The following RAB30 variants were observed in gnomAD, a reference collection of about 807,000 sequenced individuals.
The protein encoded by RAB30 is ras-related protein Rab-30.
RAB30 carries 9 observed loss-of-function variants against 25.1 expected under a neutral mutation model. The ratio of observed to expected loss-of-function variants is 0.36; its 90% CI spans 0.22 to 0.63. The LOEUF is 0.63. RAB30 is among the 20% of genes least tolerant of loss of function. The pLI, the probability that RAB30 is intolerant of heterozygous loss-of-function variation, is 0.69. For missense variants in RAB30, 140 were observed against 243.5 expected (o/e 0.58, Z 2.83); for synonymous variants, 77 against 86.4 (o/e 0.89, Z 0.60).
chr11:82,985,768 G>A (rs533293668), intron 4 of RAB30, among the ~76,000 whole-genome samples: 190 of 149,058 alleles, frequency 1.3e-3, no homozygotes, highest in Non-Finnish European at 2.6e-3. Context: ...GCTGAATGCA[G>A]TGGTGTGATC....
chr11:83,022,489 A>T (rs761576582), intron 1 of RAB30, among the ~76,000 whole-genome samples: 3 of 152,160 alleles, frequency 2.0e-5, no homozygotes, highest in Non-Finnish European at 4.4e-5. Context: ...AAACTGCTAG[A>T]TCCCTTCCCT....
At chr11:83,030,391 G>C (rs983370002) in intron 1 of RAB30, among the ~76,000 whole-genome samples, 2 of 151,538 alleles carry the variant, frequency 1.3e-5, no homozygotes, top group Admixed American at 1.3e-4. Flanking sequence ...CCAGCTTCTT[G>C]GGAGCCTGAG....
chr11:83,048,649 A>G (rs7109978), intron 1 of RAB30, among the ~76,000 whole-genome samples: 10,462 of 152,210 alleles, frequency 0.069, 803 homozygotes, highest in African/African-American at 0.19. Flanking sequence ...ATGAACCTCA[A>G]AAAAAATCTC....
intron 2 of RAB30, among the ~76,000 whole-genome samples, chr11:82,995,874 A>G (rs1856947080): frequency 6.6e-6 from 1 of 152,192 alleles, no homozygotes; most frequent in Non-Finnish European, 1.5e-5. Flanking sequence ...TTTCATCTAT[A>G]AAGTGAGAGA....
chr11:83,069,526 A>T (rs1210895794), intron 1 of RAB30, among the ~76,000 whole-genome samples: 1 of 152,140 alleles, frequency 6.6e-6, no homozygotes, highest in Non-Finnish European at 1.5e-5. Flanking sequence ...AAAAAACCAA[A>T]TGGGCAGTTT....
chr11:83,014,639 AAAGAAAG>A (rs1319624888), intron 1 of RAB30, among the ~76,000 whole-genome samples: 1 of 44,628 alleles, frequency 2.2e-5, no homozygotes, highest in African/African-American at 9.6e-5. Flanking sequence ...TAAGAAAAAG[AAAGAAAG>A]AAAGAAAGAA....
intron 1 of RAB30, chr11:83,034,788 G>A (rs965614802): frequency 8.6e-5 from 13 of 152,012 alleles, no homozygotes; most frequent in African/African-American, 2.9e-4. Context: ...GTAAACTGCA[G>A]GTAACAGATA....
rs548323119 is a variant in RAB30 at position 83,025,542 on chromosome 11, C to T, written c.-8-28218G>A. ...GGAAAGGGGCACTGCAGCTCATCCC[C>T]ACTCCTGAAATTACAATGCTGAATT... is the stretch of plus-strand genomic sequence containing the variant. On this transcript the variant is annotated intron_variant, in intron 1 of 4. Coordinates refer to ENST00000527633, the MANE Select transcript of RAB30 (RefSeq NM_001286060.2). Among the ~76,000 whole-genome samples the T allele has an allele frequency of 3.3e-5, 5 of 152,356 alleles. No homozygotes were observed. In the East Asian group the frequency reaches 9.6e-4, roughly 29 times the overall value.
intron 1 of RAB30, among the ~76,000 whole-genome samples, chr11:83,008,969 T>G (rs1857245669): frequency 1.3e-5 from 2 of 152,156 alleles, no homozygotes; most frequent in South Asian, 4.1e-4. Context: ...TTCACCTCTC[T>G]TCAATTCCCA....
At chr11:83,009,586 C>T (rs1311309423) in intron 1 of RAB30, among the ~76,000 whole-genome samples, 1 of 151,640 alleles carries the variant, frequency 6.6e-6, no homozygotes, top group African/African-American at 2.4e-5. Flanking sequence ...ACAACATGCC[C>T]AGGGAGCCAA....
At position 82,978,508 on chromosome 11, in the gene RAB30, A is replaced by G; in HGVS notation, c.*3657T>C. 1 of 122,968 alleles carries G rather than the reference A, an allele frequency of 8.1e-6. No homozygotes were observed. The highest frequency in any genetic ancestry group is 2.0e-4 in the East Asian group (1 of 5,096). The allele number at this position is 122,968 out of a possible 1,614,324, so 7.6% of individuals were successfully genotyped here. On this transcript the variant is annotated 3_prime_UTR_variant, in exon 5 of 5. Transcript: ENST00000527633. ...TTGATATGCAAAAAAAAAAAAAAAG[A>G]TTTTTTTCTGATTGTGCTATTTCAT...
intron 1 of RAB30, among the ~76,000 whole-genome samples, chr11:83,022,221 CGATCACAT>C (rs1857596132): frequency 6.6e-6 from 1 of 152,086 alleles, no homozygotes; most frequent in Non-Finnish European, 1.5e-5. Flanking sequence ...TCCAGTAGCA[CGATCACAT>C]GGCCAGTGAA....
At chr11:82,983,569 C>A (rs1856681027) in intron 4 of RAB30, among the ~76,000 whole-genome samples, 1 of 151,116 alleles carries the variant, frequency 6.6e-6, no homozygotes, top group South Asian at 2.1e-4. Context: ...GTAGCTGGGA[C>A]TACAGGCAGG....
At chr11:83,045,351 G>A (rs376582952) in intron 1 of RAB30, among the ~76,000 whole-genome samples, 2 of 151,802 alleles carry the variant, frequency 1.3e-5, no homozygotes, top group East Asian at 1.9e-4. Flanking sequence ...AGCTGGTCTC[G>A]AACTCCTGAG....
rs1046514349 is a variant in RAB30, at chr11:82,976,632, T to G, written c.*5533A>C. ...AAGAAGTGGTGACTAGCCTTTGTGCTCTGACCTCTTGTCCAAAGGAGTCCA... is the reference window on the plus strand; with the variant it reads ...AAGAAGTGGTGACTAGCCTTTGTGCGCTGACCTCTTGTCCAAAGGAGTCCA... On this transcript the variant is annotated 3_prime_UTR_variant, in exon 5 of 5. Transcript: ENST00000527633. 2 of 152,226 alleles carry G rather than the reference T, an allele frequency of 1.3e-5. No individual in the cohort carries two copies. Among genetic ancestry groups the G allele is most frequent in the African/African-American group, 2.4e-5 (1 of 41,464 alleles). 9.4% of individuals were successfully genotyped at this position (152,226 alleles called of 1,614,324 possible). A position where few individuals can be genotyped will look rare whatever the true frequency, so the allele number is the denominator to read the frequency against.
intron 4 of RAB30, among the ~76,000 whole-genome samples, chr11:82,984,602 AG>A (rs747120247): frequency 3.9e-5 from 6 of 152,166 alleles, no homozygotes; most frequent in Non-Finnish European, 8.8e-5. Context: ...AGAACCTAAT[AG>A]GAAAACTCTC....
chr11:83,014,684 AAGAAAGAAAGAG>A (rs1182497052), intron 1 of RAB30, among the ~76,000 whole-genome samples: 3 of 140,994 alleles, frequency 2.1e-5, no homozygotes, highest in African/African-American at 8.3e-5. Flanking sequence ...GAAAGAAAGA[AAGAAAGAAAGAG>A]AAAGGAAGGA....
At chr11:83,004,584 G>C (rs535635070) in intron 1 of RAB30, among the ~76,000 whole-genome samples, 3 of 152,264 alleles carry the variant, frequency 2.0e-5, no homozygotes, top group East Asian at 1.9e-4. Context: ...GCATCATAGG[G>C]GTTCTTTAGA....
intron 1 of RAB30, among the ~76,000 whole-genome samples, chr11:83,019,634 C>A (rs764464904): frequency 6.6e-6 from 1 of 152,180 alleles, no homozygotes; most frequent in Non-Finnish European, 1.5e-5. Context: ...ATCTCTCCAT[C>A]TCTGAACCTT....
Sources: allele counts gnomAD v4.1 joint callset (sites outside exome capture counted in the v4.1 genomes callset), GRCh38; gene constraint gnomAD v4.1.1; transcripts MANE v1.5; gene names NCBI Gene and HGNC (gene_info 2026-07-23, HGNC 2026-07-21).